TMEM161B: variants seen among roughly 807,000 people sequenced by gnomAD.
TMEM161B encodes transmembrane protein 161B.
TMEM161B carries 34 observed loss-of-function variants against 61.8 expected under a neutral mutation model. That is an observed-to-expected ratio of 0.55 (90% CI 0.42 to 0.73). The LOEUF is 0.73. Among genes scored for constraint, TMEM161B ranks in the 30% least tolerant of loss-of-function variants. The pLI is 0.00. For synonymous variants in TMEM161B, 167 were observed against 192.8 expected (o/e 0.87, Z 1.11); for missense variants, 456 against 558.5 (o/e 0.82, Z 1.85).
chr5:88,249,410 G>A (rs561572567), intron 1 of TMEM161B, among the ~76,000 whole-genome samples: 2 of 152,238 alleles, frequency 1.3e-5, no homozygotes, highest in Admixed American at 6.5e-5. Context: ...AACTGCACAA[G>A]GGGATTCTCA....
chr5:88,219,570 G>A (rs1275396753), intron 5 of TMEM161B, among the ~76,000 whole-genome samples: 1 of 152,020 alleles, frequency 6.6e-6, no homozygotes, highest in Non-Finnish European at 1.5e-5. Context: ...TAAAATGTCA[G>A]AAACCAGAAG....
intron 1 of TMEM161B, among the ~76,000 whole-genome samples, chr5:88,251,306 G>A (rs430943): frequency 0.79 from 119,583 of 151,964 alleles, 47,184 homozygotes; most frequent in South Asian, 0.86. Context: ...GATGTTATCT[G>A]TAGGAGTAAC....
At chr5:88,237,302 G>C (rs1561389218) in intron 2 of TMEM161B, among the ~76,000 whole-genome samples, 1 of 152,082 alleles carries the variant, frequency 6.6e-6, no homozygotes, top group Non-Finnish European at 1.5e-5. Flanking sequence ...CTACTTCTAA[G>C]TTTGACACTT....
chr5:88,190,989 ATT>A (rs1202168540), downstream of TMEM161B, among the ~76,000 whole-genome samples: 1 of 152,140 alleles, frequency 6.6e-6, no homozygotes, highest in Non-Finnish European at 1.5e-5. Context: ...TTCCTTTTCC[ATT>A]GTTATTGTGA....
Position 88,268,770 on chromosome 5 carries a change from C to A in TMEM161B, c.-47G>T, listed in dbSNP as rs986344721. ...ACCAGACACCCTGGAGTTGCCGGGG[C>A]AGTCCCAAACCTCTTACCTCCCGGT... is the stretch of plus-strand genomic sequence containing the variant. On this transcript the variant is annotated 5_prime_UTR_variant, in exon 1 of 12. Transcript: ENST00000296595. The A allele has an allele frequency of 3.1e-6, 5 of 1,613,758 alleles. No homozygotes were observed. The highest frequency in any genetic ancestry group is 1.6e-4 in the Middle Eastern group (1 of 6,084).
chr5:88,210,379 T>C (rs550649703), intron 5 of TMEM161B, among the ~76,000 whole-genome samples: 2 of 152,320 alleles, frequency 1.3e-5, no homozygotes, highest in African/African-American at 2.4e-5. Flanking sequence ...TAAAATTCTA[T>C]GATAATTTAT....
intron 5 of TMEM161B, among the ~76,000 whole-genome samples, chr5:88,213,825 A>C (rs759434528): frequency 6.6e-6 from 1 of 152,168 alleles, no homozygotes; most frequent in Non-Finnish European, 1.5e-5. Flanking sequence ...TGACATATAC[A>C]ACTTTTCAAG....
intron 1 of TMEM161B, among the ~76,000 whole-genome samples, chr5:88,265,728 C>T (rs78602585): frequency 0.032 from 4,946 of 152,226 alleles, 317 homozygotes; most frequent in East Asian, 0.16. Flanking sequence ...CTTCCCAACA[C>T]TCCCCTCCAC....
Position 88,268,732 on chromosome 5 carries a change from G to A in TMEM161B, c.-9C>T, listed in dbSNP as rs1461601470. 3.1e-6 allele frequency: 5 copies of A among 1,614,074 alleles called. No individual in the cohort carries two copies. The highest frequency in any genetic ancestry group is 4.5e-5 in the East Asian group (2 of 44,850). On this transcript the variant is annotated 5_prime_UTR_variant, in exon 1 of 12. Transcript: ENST00000296595. ...ACAGAAGAACTCACCATGGCGCCTA[G>A]GATAGGTCGTGGACCAGACACCCTG...
intron 9 of TMEM161B, chr5:88,199,425 CT>C (rs1206994289): frequency 8.3e-6 from 2 of 240,306 alleles, no homozygotes; most frequent in Non-Finnish European, 1.6e-5. Context: ...ATATACCCTC[CT>C]CCATGGATAA....
intron 2 of TMEM161B, among the ~76,000 whole-genome samples, chr5:88,235,676 C>T (rs776049716): frequency 1.3e-5 from 2 of 152,152 alleles, no homozygotes; most frequent in Non-Finnish European, 2.9e-5. Context: ...AAATACATTT[C>T]TGCTGTTGAG....
In TMEM161B at chr5:88,220,654, G is replaced by T; in HGVS notation, c.355C>A (p.Leu119Ile). The change falls in exon 5 of 12, where the codon CTA (leucine) becomes ATA (isoleucine). Residue 119 changes from leucine (L) to isoleucine (I), a missense_variant. This residue lies in a region of TMEM161B where 367 missense variants were observed against 427.3 expected (regional missense o/e 0.86). Coordinates refer to ENST00000296595, the MANE Select transcript of TMEM161B (RefSeq NM_153354.5). ...DFTVAATVVY[L>I]VTEVYYNFMK... ...AAATTGTAGTAGACTTCAGTTACTA[G>T]ATACACAACTGTAGCAGCCACTGTG... The T allele has an allele frequency of 7.0e-7, 1 of 1,421,934 alleles. No individual in the cohort carries two copies. The highest frequency in any genetic ancestry group is 9.3e-7 in the Non-Finnish European group (1 of 1,070,946). 88.1% of individuals were successfully genotyped at this position (1,421,934 alleles called of 1,614,324 possible). A position where few individuals can be genotyped will look rare whatever the true frequency, so the allele number is the denominator to read the frequency against.
At chr5:88,197,217 G>C (rs1317742504) in intron 11 of TMEM161B, among the ~76,000 whole-genome samples, 1 of 152,144 alleles carries the variant, frequency 6.6e-6, no homozygotes, top group Admixed American at 6.6e-5. Context: ...TTAGTGAAGA[G>C]ACTTGTAGAA....
chr5:88,195,396 G>A lies in TMEM161B; in HGVS notation c.*815C>T, dbSNP rs1749460279. 1 of 841,202 alleles carries A rather than the reference G, an allele frequency of 1.2e-6. No individual in the cohort carries two copies. The highest frequency in any genetic ancestry group is 1.2e-4 in the East Asian group (1 of 8,102). 52.1% of individuals were successfully genotyped at this position (841,202 alleles called of 1,614,324 possible). On this transcript the variant is annotated 3_prime_UTR_variant, in exon 12 of 12. Coordinates refer to ENST00000296595, the MANE Select transcript of TMEM161B (RefSeq NM_153354.5). ...TATAATATATATACAATACATACAG[G>A]TAGTCAGCAGGTTTACAAAGTAATT...
chr5:88,187,884 A>T (rs1748452846), downstream of TMEM161B, among the ~76,000 whole-genome samples: 1 of 152,118 alleles, frequency 6.6e-6, no homozygotes, highest in African/African-American at 2.4e-5. Context: ...TGAATGGGAA[A>T]CTTTAAATTT....
chr5:88,211,838 T>G (rs895762234), intron 5 of TMEM161B, among the ~76,000 whole-genome samples: 1 of 149,416 alleles, frequency 6.7e-6, no homozygotes, highest in African/African-American at 2.5e-5. Flanking sequence ...AATATCTGAC[T>G]AATGAAAGTG....
At chr5:88,252,076 G>A (rs565532153) in intron 1 of TMEM161B, among the ~76,000 whole-genome samples, 29 of 152,168 alleles carry the variant, frequency 1.9e-4, no homozygotes, top group Admixed American at 6.6e-4. Flanking sequence ...AAAATTGCAC[G>A]GTACTATGAA....
In TMEM161B at chr5:88,268,823, G is replaced by A; in HGVS notation, c.-100C>T. The A allele has an allele frequency of 1.3e-6, 2 of 1,584,920 alleles. No individual in the cohort carries two copies. Among genetic ancestry groups the A allele is most frequent in the Admixed American group, 1.7e-5 (1 of 57,392 alleles). ...TTGAGCCGAGAGACTCTCAAACAGCGAAAGAGAGGGTCTTCCGGCTCTGCC... is the reference window on the plus strand; with the variant it reads ...TTGAGCCGAGAGACTCTCAAACAGCAAAAGAGAGGGTCTTCCGGCTCTGCC... On this transcript the variant is annotated 5_prime_UTR_variant, in exon 1 of 12. Coordinates refer to ENST00000296595, the MANE Select transcript of TMEM161B (RefSeq NM_153354.5).
At chr5:88,204,616 A>G (rs577995938) in intron 8 of TMEM161B, among the ~76,000 whole-genome samples, 2 of 152,198 alleles carry the variant, frequency 1.3e-5, no homozygotes, top group South Asian at 4.1e-4. Context: ...TATTTAAATC[A>G]TAACACTGGG....
Sources: allele counts gnomAD v4.1 joint callset (sites outside exome capture counted in the v4.1 genomes callset), GRCh38; gene constraint gnomAD v4.1.1; regional missense constraint gnomAD v4.1.1; transcripts MANE v1.5; gene names NCBI Gene and HGNC (gene_info 2026-07-23, HGNC 2026-07-21).